Variants in RFX8 observed in about 807,000 individuals in gnomAD.
The protein encoded by RFX8 is DNA-binding protein RFX8.
RFX8 carries 46 observed loss-of-function variants against 54.6 expected under a neutral mutation model. The ratio of observed to expected loss-of-function variants is 0.84; its 90% confidence interval spans 0.67 to 1.08. The LOEUF is 1.08. Among genes scored for constraint, RFX8 ranks in the 50% least tolerant of loss-of-function variants. RFX8 has a pLI of 0.00. For missense variants in RFX8, 536 were observed against 562.3 expected (o/e 0.95, Z 0.47); for synonymous variants, 192 against 209.5 (o/e 0.92, Z 0.72).
rs1016931507 is a variant in RFX8, at chr2:101,406,021, C to T, written c.850G>A (p.Ala284Thr). 29 of 1,546,794 alleles carry T rather than the reference C, an allele frequency of 1.9e-5. No individual in the cohort carries two copies. The highest frequency in any genetic ancestry group is 5.5e-5 in the African/African-American group (4 of 72,808). Residue 284 changes from alanine to threonine, a missense_variant, in exon 10 of 12, where the codon GCC becomes ACC. By Grantham distance (58) the Ala-to-Thr change is moderately conservative. Transcript: ENST00000428343. ...RSKEEFTKLA[A>T]SFQLRWNLLL... is the part of the protein sequence containing the mutation. Reference sequence around the variant, plus strand: ...AGATTCCATCTCAGCTGGAAGCTGGCGGCCAATTTGGTAAACTCTTCTTTG... The same window carrying T: ...AGATTCCATCTCAGCTGGAAGCTGGTGGCCAATTTGGTAAACTCTTCTTTG...
intron 1 of RFX8, among the ~76,000 whole-genome samples, chr2:101,472,387 C>A (rs1573506487): frequency 6.6e-6 from 1 of 152,148 alleles, no homozygotes; most frequent in Non-Finnish European, 1.5e-5. Context: ...CAGGCCTGAG[C>A]CACCGCACCC....
At chr2:101,464,027 T>G (rs546942499) in intron 2 of RFX8, among the ~76,000 whole-genome samples, 172 of 152,324 alleles carry the variant, frequency 1.1e-3, no homozygotes, top group African/African-American at 4.0e-3. Context: ...ATTGCTCAAA[T>G]GCTCACTCAG....
chr2:101,432,159 G>A (rs1189215760), intron 2 of RFX8, among the ~76,000 whole-genome samples: 1 of 152,134 alleles, frequency 6.6e-6, no homozygotes. Context: ...TTAAGAGACT[G>A]GCTTACAACA....
intron 5 of RFX8, 58 bp downstream of exon 5, chr2:101,418,793 A>C (rs57120430): frequency 1.8e-6 from 2 of 1,103,908 alleles, no homozygotes; most frequent in Admixed American, 4.0e-5. Context: ...GTCCAAACCC[A>C]GCATTTGCTG....
At chr2:101,439,764 G>A (rs1242077538) in intron 2 of RFX8, among the ~76,000 whole-genome samples, 1 of 151,602 alleles carries the variant, frequency 6.6e-6, no homozygotes, top group Non-Finnish European at 1.5e-5. Flanking sequence ...CCAGGCTGGA[G>A]TTCAATGGCA....
intron 1 of RFX8, among the ~76,000 whole-genome samples, chr2:101,467,475 T>C (rs1689641097): frequency 6.6e-6 from 1 of 152,158 alleles, no homozygotes; most frequent in African/African-American, 2.4e-5. Context: ...TTCTTTGAAT[T>C]GCAATGAGGT....
intron 9 of RFX8, among the ~76,000 whole-genome samples, chr2:101,409,305 C>T (rs1438993240): frequency 6.6e-6 from 1 of 152,174 alleles, no homozygotes; most frequent in Admixed American, 6.5e-5. Context: ...TCACTGCAAC[C>T]TCCAGTTCCC....
chr2:101,427,935 A>C (rs1029641686), intron 2 of RFX8, among the ~76,000 whole-genome samples: 1 of 152,198 alleles, frequency 6.6e-6, no homozygotes, highest in African/African-American at 2.4e-5. Flanking sequence ...ACTTGTCAAC[A>C]AGACAGTATC....
At chr2:101,473,704 T>A (rs1690136846) in intron 1 of RFX8, among the ~76,000 whole-genome samples, 1 of 152,206 alleles carries the variant, frequency 6.6e-6, no homozygotes, top group Non-Finnish European at 1.5e-5. Context: ...TCCCAAGGGC[T>A]GAGGATATTT....
intron 11 of RFX8, among the ~76,000 whole-genome samples, chr2:101,398,344 A>G (rs1278920472): frequency 6.6e-6 from 1 of 152,114 alleles, no homozygotes; most frequent in Non-Finnish European, 1.5e-5. Flanking sequence ...CTTAACAGAC[A>G]CTGGAGAAAG....
At chr2:101,410,757 GA>G (rs1686079279) in intron 8 of RFX8, 44 bp from the exon 9 acceptor site, 2 of 1,017,508 alleles carry the variant, frequency 2.0e-6, no homozygotes, top group Non-Finnish European at 3.0e-6. Flanking sequence ...GCATGCAGCA[GA>G]GCAGAATTTC....
intron 3 of RFX8, among the ~76,000 whole-genome samples, chr2:101,422,062 C>T (rs1558855408): frequency 6.6e-6 from 1 of 152,112 alleles, no homozygotes; most frequent in African/African-American, 2.4e-5. Flanking sequence ...TTTTTCTAAA[C>T]TTCAATTTTC....
At chr2:101,409,176 G>A (rs989873334) in intron 9 of RFX8, among the ~76,000 whole-genome samples, 4 of 152,144 alleles carry the variant, frequency 2.6e-5, no homozygotes, top group African/African-American at 9.7e-5. Context: ...AAAGTCTCAA[G>A]AGGTGGGGCC....
chr2:101,403,834 T>A (rs923456427), intron 10 of RFX8, among the ~76,000 whole-genome samples: 1 of 152,208 alleles, frequency 6.6e-6, no homozygotes, highest in Non-Finnish European at 1.5e-5. Flanking sequence ...ATTTAACTCA[T>A]TAATTAAATG....
chr2:101,455,113 C>T lies in RFX8; in HGVS notation c.72+11664G>A, dbSNP rs572084116. Among the ~76,000 whole-genome samples, 363 of 151,150 alleles carry T rather than the reference C, an allele frequency of 2.4e-3. 5 individuals are homozygous for T. The highest frequency in any genetic ancestry group is 8.2e-3 in the African/African-American group (336 of 41,030). ...GCTACCTCCGCCTCCCAGGTTCAAG[C>T]GATTCTGCTGCCTCAGCTTCCTGAG... is the stretch of plus-strand genomic sequence containing the variant. On this transcript the variant is annotated intron_variant, in intron 2 of 11. Transcript: ENST00000428343.
chr2:101,474,157 GC>G, intron 1 of RFX8: 1 of 584,970 alleles, frequency 1.7e-6, no homozygotes, highest in Non-Finnish European at 3.0e-6. Context: ...CCCCTCCCCG[GC>G]CCCACCTCCT....
At chr2:101,446,175 G>GT (rs962508603) in intron 2 of RFX8, among the ~76,000 whole-genome samples, 1 of 151,956 alleles carries the variant, frequency 6.6e-6, no homozygotes, top group South Asian at 2.1e-4. Flanking sequence ...GTTTGTTTTT[G>GT]TTTTTTGTTA....
intron 1 of RFX8, 118 bp downstream of exon 1, chr2:101,474,518 G>T (rs956994141): frequency 3.0e-6 from 1 of 329,404 alleles, no homozygotes; most frequent in Admixed American, 4.9e-5. Flanking sequence ...GAGGATGCGC[G>T]GACCCCGCCC....
Position 101,451,667 on chromosome 2 carries a change from C to T in RFX8, c.72+15110G>A, listed in dbSNP as rs1458894992. On this transcript the variant is annotated intron_variant, in intron 2 of 11. Coordinates refer to ENST00000428343, the MANE Select transcript of RFX8 (RefSeq NM_001145664.2). ...TCACGCCATTGCACTCCAGCCTGGG[C>T]GACAAGGGTGAAACTCCGTCTCAAA... Among the ~76,000 whole-genome samples the T allele has an allele frequency of 7.8e-5, 10 of 127,402 alleles. No individual in the cohort carries two copies. The Admixed American group carries it at 8.4e-4, about 11-fold the overall frequency. 83.6% of individuals were successfully genotyped at this position (127,402 alleles called of 152,430 possible). A position where few individuals can be genotyped will look rare whatever the true frequency, so the allele number is the denominator to read the frequency against.
Sources: allele counts gnomAD v4.1 joint callset (sites outside exome capture counted in the v4.1 genomes callset), GRCh38; gene constraint gnomAD v4.1.1; transcripts MANE v1.5; gene names NCBI Gene and HGNC (gene_info 2026-07-23, HGNC 2026-07-21).